The following PTPN4 variants were observed in gnomAD, a reference collection of about 807,000 sequenced individuals.
PTPN4 encodes the protein tyrosine-protein phosphatase non-receptor type 4.
Under a neutral mutation model 135.5 loss-of-function variants are expected in PTPN4, and 49 were observed. The ratio of observed to expected loss-of-function variants is 0.36; its 90% CI spans 0.29 to 0.46. PTPN4 has a LOEUF of 0.46. Ranked by LOEUF, PTPN4 falls within the 20% of genes least tolerant of loss-of-function variation. The probability of loss-of-function intolerance (pLI) is 1.00; values close to 1 mark genes in which losing one functional copy is unlikely to be tolerated. For synonymous variants in PTPN4, 333 were observed against 369.9 expected (o/e 0.90, Z 1.14); for missense variants, 860 against 1,101.0 (o/e 0.78, Z 3.10).
chr2:119,820,520 A>C (rs1184503885), intron 2 of PTPN4, among the ~76,000 whole-genome samples: 1 of 152,230 alleles, frequency 6.6e-6, no homozygotes, highest in African/African-American at 2.4e-5. Context: ...CCCCCAAGGA[A>C]GCCCTGGTGG....
intron 2 of PTPN4, among the ~76,000 whole-genome samples, chr2:119,855,859 A>G (rs1677669152): frequency 6.6e-6 from 1 of 152,010 alleles, no homozygotes. Flanking sequence ...GCTGGAGTGC[A>G]GTGGCGCGAT....
At chr2:119,777,817 G>C (rs1368990417) in intron 1 of PTPN4, among the ~76,000 whole-genome samples, 1 of 151,506 alleles carries the variant, frequency 6.6e-6, no homozygotes, top group Admixed American at 6.6e-5. Flanking sequence ...ACCATGCCCA[G>C]CTAATTTTTT....
intron 2 of PTPN4, among the ~76,000 whole-genome samples, chr2:119,816,393 TAAATCAA>T (rs1178970743): frequency 3.9e-5 from 6 of 152,112 alleles, no homozygotes; most frequent in African/African-American, 1.4e-4. Context: ...CTCTGAAAAA[TAAATCAA>T]AAATCAAAAA....
In PTPN4 at chr2:119,957,072, A is replaced by G. The variant is rs758786921; in HGVS notation, c.2128A>G (p.Ile710Val). The change falls in exon 22 of 27, where the codon ATA (isoleucine) becomes GTA (valine). Residue 710 changes from isoleucine to valine, a missense_variant. Physicochemically the swap from Ile to Val is conservative, Grantham distance 29. Coordinates refer to ENST00000263708, the MANE Select transcript of PTPN4 (RefSeq NM_002830.4). ...TGAAGACTACATCAATGCGAACTAT[A>G]TAAATGTAAGTTTATTCTTATTATG... ...GNEDYINANY[I>V]NMEIPSSSII... 8.1e-6 allele frequency: 13 copies of G among 1,606,962 alleles called. No homozygotes were observed. The highest frequency in any genetic ancestry group is 1.1e-5 in the Non-Finnish European group (13 of 1,176,930).
intron 15 of PTPN4, among the ~76,000 whole-genome samples, chr2:119,936,054 G>A (rs1186771812): frequency 6.6e-6 from 1 of 151,920 alleles, no homozygotes; most frequent in African/African-American, 2.4e-5. Flanking sequence ...CCAGGCGGGA[G>A]TGCAGTGGCG....
At chr2:119,968,018 A>G (rs201135897) in intron 26 of PTPN4, 46 bp downstream of exon 26, 1 of 1,355,022 alleles carries the variant, frequency 7.4e-7, no homozygotes, top group Non-Finnish European at 9.8e-7. Context: ...TAACATGATG[A>G]TTTTTGTTGC....
Position 119,845,087 on chromosome 2 carries a change from C to T in PTPN4, c.139-17449C>T, listed in dbSNP as rs1251665246. ...CCAACACAGCGAAACCCCGTCTCCA[C>T]CAAAACCAGTCAGGCGTGGCGGCGC... On this transcript the variant is annotated intron_variant, in intron 2 of 26. Coordinates refer to ENST00000263708, the MANE Select transcript of PTPN4 (RefSeq NM_002830.4). Among the ~76,000 whole-genome samples, 7 of 149,796 alleles carry T rather than the reference C, an allele frequency of 4.7e-5. No homozygotes were observed. In the South Asian group the frequency reaches 1.3e-3, roughly 27 times the overall value.
At chr2:119,843,653 G>A (rs1677419667) in intron 2 of PTPN4, among the ~76,000 whole-genome samples, 1 of 84,620 alleles carries the variant, frequency 1.2e-5, no homozygotes, top group Non-Finnish European at 2.4e-5. Flanking sequence ...CGGACGGGGC[G>A]GCTGGCCGGG....
At chr2:119,772,810 A>C (rs1690759021) in intron 1 of PTPN4, among the ~76,000 whole-genome samples, 1 of 152,206 alleles carries the variant, frequency 6.6e-6, no homozygotes, top group African/African-American at 2.4e-5. Flanking sequence ...AAGAGCTGGG[A>C]TTACAGGCGT....
At chr2:119,865,463 A>G (rs574076887) in intron 3 of PTPN4, among the ~76,000 whole-genome samples, 4 of 152,112 alleles carry the variant, frequency 2.6e-5, no homozygotes, top group Admixed American at 2.0e-4. Context: ...TAATTTGTTT[A>G]ATGTCACGCA....
At chr2:119,772,055 T>C (rs1574325045) in intron 1 of PTPN4, among the ~76,000 whole-genome samples, 1 of 152,380 alleles carries the variant, frequency 6.6e-6, no homozygotes, top group East Asian at 1.9e-4. Context: ...TTTTTGTGTG[T>C]TTCTTTTTTA....
chr2:119,847,617 T>C (rs1048112840), intron 2 of PTPN4, among the ~76,000 whole-genome samples: 2 of 152,116 alleles, frequency 1.3e-5, no homozygotes, highest in African/African-American at 4.8e-5. Flanking sequence ...TGAGCCACCA[T>C]GCCTGGCCAG....
At chr2:119,863,722 A>G (rs949305135) in intron 3 of PTPN4, among the ~76,000 whole-genome samples, 11 of 152,144 alleles carry the variant, frequency 7.2e-5, no homozygotes, top group African/African-American at 2.7e-4. Flanking sequence ...TACGAGGATG[A>G]CACAAAGAAA....
chr2:119,825,193 A>G (rs1271901447), intron 2 of PTPN4, among the ~76,000 whole-genome samples: 3 of 152,172 alleles, frequency 2.0e-5, no homozygotes, highest in African/African-American at 7.2e-5. Context: ...ATAGTTTTGA[A>G]TAATATTTAG....
intron 7 of PTPN4, 61 bp downstream of exon 7, chr2:119,882,210 A>T (rs1678090829): frequency 8.3e-6 from 12 of 1,451,974 alleles, no homozygotes; most frequent in Non-Finnish European, 1.2e-5. Flanking sequence ...TTGCTAGTAC[A>T]TTGGCTTCAA....
At chr2:119,799,114 T>G (rs1393125599) in intron 1 of PTPN4, among the ~76,000 whole-genome samples, 7 of 152,192 alleles carry the variant, frequency 4.6e-5, no homozygotes, top group Non-Finnish European at 8.8e-5. Context: ...TTAGGGACAT[T>G]TGAATGTTAT....
intron 25 of PTPN4, among the ~76,000 whole-genome samples, chr2:119,967,108 T>G (rs1444995520): frequency 1.3e-5 from 2 of 152,214 alleles, no homozygotes; most frequent in Non-Finnish European, 2.9e-5. Flanking sequence ...GTTCACAGAT[T>G]AGAAGTTAAA....
intron 3 of PTPN4, 65 bp downstream of exon 3, chr2:119,862,708 C>G: frequency 7.4e-7 from 1 of 1,344,038 alleles, no homozygotes; most frequent in South Asian, 1.3e-5. Flanking sequence ...GTAGAAAGTC[C>G]TTTCTGATTT....
chr2:119,925,464 G>T (rs1264114521), intron 12 of PTPN4, among the ~76,000 whole-genome samples: 1 of 149,908 alleles, frequency 6.7e-6, no homozygotes, highest in Non-Finnish European at 1.5e-5. Context: ...CATATCCAAA[G>T]CACTTTTTAA....
Sources: gnomAD v4.1 joint callset for allele counts (sites outside exome capture counted in the v4.1 genomes callset) on GRCh38, gnomAD v4.1.1 for gene constraint, MANE v1.5 for transcripts, NCBI Gene and HGNC (gene_info 2026-07-23, HGNC 2026-07-21) for gene names.